SPON1: variants seen among roughly 807,000 people sequenced by gnomAD.
SPON1 encodes spondin-1.
Under a neutral mutation model 111.7 loss-of-function variants are expected in SPON1, and 52 were observed. That is an observed-to-expected ratio of 0.47 (90% CI 0.37 to 0.59). The LOEUF is 0.59. Ranked by LOEUF, SPON1 falls within the 20% of genes least tolerant of loss-of-function variation. The pLI is 0.00. For synonymous variants in SPON1, 410 were observed against 395.8 expected (o/e 1.04, Z -0.43); for missense variants, 957 against 1,068.5 (o/e 0.90, Z 1.46).
intron 5 of SPON1, among the ~76,000 whole-genome samples, chr11:14,096,072 G>A (rs537462461): frequency 3.3e-5 from 5 of 152,288 alleles, no homozygotes; most frequent in East Asian, 1.9e-4. Flanking sequence ...CACTTGTGTC[G>A]TCATACACAG....
intron 2 of SPON1, among the ~76,000 whole-genome samples, chr11:14,032,980 T>C (rs113191435): frequency 7.1e-4 from 108 of 152,312 alleles, no homozygotes; most frequent in African/African-American, 2.5e-3. Context: ...CTATCCCTGA[T>C]AGGAAACTTT....
chr11:14,045,587 A>G (rs901639523), intron 3 of SPON1, among the ~76,000 whole-genome samples: 1 of 147,888 alleles, frequency 6.8e-6, no homozygotes, highest in Admixed American at 6.9e-5. Flanking sequence ...AAAAAATAAT[A>G]ATAAAAATTT....
chr11:13,966,684 A>C (rs1213334582), intron 1 of SPON1, among the ~76,000 whole-genome samples: 4 of 152,164 alleles, frequency 2.6e-5, no homozygotes, highest in Non-Finnish European at 5.9e-5. Flanking sequence ...TCCCACACTG[A>C]GACACACACT....
At chr11:14,154,341 G>C (rs1449401962) in intron 6 of SPON1, among the ~76,000 whole-genome samples, 1 of 152,190 alleles carries the variant, frequency 6.6e-6, no homozygotes, top group Non-Finnish European at 1.5e-5. Context: ...TGGAATATAT[G>C]TCAGCCTCAA....
rs546336207 is a variant in SPON1 at position 14,252,113 on chromosome 11, C to T, written c.891-2415C>T. Among the ~76,000 whole-genome samples the T allele has an allele frequency of 2.6e-5, 4 of 152,324 alleles. No homozygotes were observed. In the South Asian group the frequency reaches 6.2e-4, roughly 24 times the overall value. On this transcript the variant is annotated intron_variant, in intron 7 of 15. Transcript: ENST00000576479. ...AAGTGGAGGAGTTCAAGTCATCATA[C>T]GCATATTTGTTCAGTCGGCCCACTG...
chr11:14,015,996 G>A (rs1528669), intron 2 of SPON1, among the ~76,000 whole-genome samples: 2 of 152,060 alleles, frequency 1.3e-5, no homozygotes, highest in Admixed American at 6.5e-5. Flanking sequence ...GCAGATGGCC[G>A]CAGAGGGCAG....
intron 3 of SPON1, among the ~76,000 whole-genome samples, chr11:14,073,037 A>G (rs1848889361): frequency 1.3e-5 from 2 of 152,152 alleles, no homozygotes; most frequent in African/African-American, 4.8e-5. Context: ...GAATATTTGC[A>G]TATACACAAT....
At chr11:14,148,717 C>G (rs1421667860) in intron 6 of SPON1, among the ~76,000 whole-genome samples, 1 of 152,202 alleles carries the variant, frequency 6.6e-6, no homozygotes, top group Non-Finnish European at 1.5e-5. Flanking sequence ...TCTGTCTCTG[C>G]TAAAAGAGAA....
In SPON1 at chr11:14,158,194, TGTGAG is replaced by T. The variant is rs545245419; in HGVS notation, c.825+22628_825+22632del. On this transcript the variant is annotated intron_variant, in intron 6 of 15. Coordinates refer to ENST00000576479, the MANE Select transcript of SPON1 (RefSeq NM_006108.4). ...TTGTTTTTAAGCTGGATTCTGTCTTTGTGAGGGCTCTTTTACTTATGGTTCACTCT... is the reference window on the plus strand; with the variant it reads ...TTGTTTTTAAGCTGGATTCTGTCTTTGGCTCTTTTACTTATGGTTCACTCT... 2.9e-3 allele frequency among the ~76,000 whole-genome samples: 446 copies of T among 152,258 alleles called. 4 individuals carry two copies. Among genetic ancestry groups the T allele is most frequent in the African/African-American group, 0.01 (425 of 41,546 alleles).
Position 14,004,687 on chromosome 11 carries a change from GT to G in SPON1, c.345+21739del, listed in dbSNP as rs1282871935. On this transcript the variant is annotated intron_variant, in intron 2 of 15. Coordinates refer to ENST00000576479, the MANE Select transcript of SPON1 (RefSeq NM_006108.4). ...GCCCATTTTTTAGTTGGGTTTTTTT[GT>G]TTTTCTGCTATTGAGTTTTAACAGT... 6.4e-4 allele frequency among the ~76,000 whole-genome samples: 98 copies of G among 152,042 alleles called. 1 individual carries two copies. Among genetic ancestry groups the G allele is most frequent in the Admixed American group, 6.0e-3 (92 of 15,258 alleles).
chr11:14,137,256 A>G (rs550506544), intron 6 of SPON1, among the ~76,000 whole-genome samples: 1 of 152,250 alleles, frequency 6.6e-6, no homozygotes, highest in African/African-American at 2.4e-5. Context: ...GGGACCCCCC[A>G]CCACCACCAC....
At chr11:14,090,824 G>GCCACCCCCCCCCCCC (rs1849046497) in intron 5 of SPON1, among the ~76,000 whole-genome samples, 9 of 45,608 alleles carry the variant, frequency 2.0e-4, no homozygotes, top group East Asian at 2.4e-3. Context: ...CTCTTATCTG[G>GCCACCCCCCCCCCCC]CCCCCCCCCC....
chr11:14,204,740 A>C (rs926295437), intron 6 of SPON1, among the ~76,000 whole-genome samples: 1 of 151,956 alleles, frequency 6.6e-6, no homozygotes, highest in South Asian at 2.1e-4. Context: ...GCTGCAGTGC[A>C]GTGGCGCAGT....
At chr11:13,977,732 A>G (rs967822457) in intron 1 of SPON1, among the ~76,000 whole-genome samples, 1 of 151,856 alleles carries the variant, frequency 6.6e-6, no homozygotes, top group African/African-American at 2.4e-5. Context: ...TTTATGCTCT[A>G]TGTAAGAAAT....
intron 2 of SPON1, among the ~76,000 whole-genome samples, chr11:14,021,306 A>T (rs537392927): frequency 1.3e-5 from 2 of 152,212 alleles, no homozygotes; most frequent in East Asian, 3.9e-4. Context: ...ATGAAAAAAT[A>T]GTAAGTTGTG....
chr11:14,009,450 T>C (rs1203228107), intron 2 of SPON1, among the ~76,000 whole-genome samples: 14 of 152,180 alleles, frequency 9.2e-5, no homozygotes, highest in Non-Finnish European at 1.5e-4. Context: ...TCCTAATAAA[T>C]ACCACTCAGC....
At chr11:13,963,164 C>T in intron 1 of SPON1, 22 bp downstream of exon 1, 1 of 1,466,056 alleles carries the variant, frequency 6.8e-7, no homozygotes, top group Non-Finnish European at 9.1e-7. Context: ...CCCGGCGTGG[C>T]ATTAGGAGAG....
intron 6 of SPON1, among the ~76,000 whole-genome samples, chr11:14,226,878 C>T (rs1554938185): frequency 6.6e-6 from 1 of 152,198 alleles, no homozygotes. Flanking sequence ...TCAGTGGCTG[C>T]CAGTCTTCCT....
chr11:14,186,580 C>T (rs563910576), intron 6 of SPON1, among the ~76,000 whole-genome samples: 54 of 152,350 alleles, frequency 3.5e-4, no homozygotes, highest in Middle Eastern at 3.4e-3. Flanking sequence ...GTGCCACCCA[C>T]TCCAACCAGC....
Sources: allele counts gnomAD v4.1 joint callset (sites outside exome capture counted in the v4.1 genomes callset), GRCh38; gene constraint gnomAD v4.1.1; transcripts MANE v1.5; gene names NCBI Gene and HGNC (gene_info 2026-07-23, HGNC 2026-07-21).